The following TPRG1 variants were observed in gnomAD, a reference collection of about 807,000 sequenced individuals.
The protein encoded by TPRG1 is tumor protein p63-regulated gene 1 protein.
Under a neutral mutation model 29.3 loss-of-function variants are expected in TPRG1, and 29 were observed. That is an observed-to-expected ratio of 0.99 (90% confidence interval 0.74 to 1.35). The LOEUF is 1.35. TPRG1 is among the 40% of genes most tolerant of loss of function. TPRG1 has a pLI of 0.00. For missense variants in TPRG1, 327 were observed against 335.0 expected (o/e 0.98, Z 0.19); for synonymous variants, 130 against 116.8 (o/e 1.11, Z -0.73).
intron 2 of TPRG1, among the ~76,000 whole-genome samples, chr3:189,129,376 G>C (rs950094579): frequency 2.0e-5 from 3 of 152,154 alleles, no homozygotes; most frequent in African/African-American, 7.2e-5. Context: ...GTCCTTCTCA[G>C]GCTGTGATAC....
At chr3:189,022,509 C>A (rs1359097364) in intron 3 of TPRG1, among the ~76,000 whole-genome samples, 1 of 151,522 alleles carries the variant, frequency 6.6e-6, no homozygotes, top group Non-Finnish European at 1.5e-5. Flanking sequence ...TGTCAGTGTG[C>A]CCCTGCTGGG....
intron 4 of TPRG1, among the ~76,000 whole-genome samples, chr3:189,086,257 C>T (rs542897526): frequency 2.6e-5 from 4 of 152,258 alleles, no homozygotes; most frequent in African/African-American, 7.2e-5. Flanking sequence ...CTTCCGCATT[C>T]CTCTGCCTGC....
intron 3 of TPRG1, among the ~76,000 whole-genome samples, chr3:189,133,692 A>G (rs1723375530): frequency 6.6e-6 from 1 of 152,196 alleles, no homozygotes; most frequent in Non-Finnish European, 1.5e-5. Flanking sequence ...ACCCAGTCTC[A>G]GGCAGTATCT....
At chr3:189,212,566 GA>G (rs1735437128) in intron 2 of TPRG1, among the ~76,000 whole-genome samples, 1 of 110,202 alleles carries the variant, frequency 9.1e-6, no homozygotes, top group African/African-American at 3.7e-5. Context: ...TAAAAAAGAT[GA>G]TTTTTTTTTT....
At chr3:189,196,294 A>G (rs898180816) in intron 1 of TPRG1, among the ~76,000 whole-genome samples, 5 of 152,304 alleles carry the variant, frequency 3.3e-5, no homozygotes, top group Admixed American at 2.0e-4. Context: ...ACTTTCAGAA[A>G]AATAATCCTG....
intron 4 of TPRG1, among the ~76,000 whole-genome samples, chr3:189,309,694 T>A (rs1349006115): frequency 6.6e-6 from 1 of 152,188 alleles, no homozygotes; most frequent in Non-Finnish European, 1.5e-5. Flanking sequence ...TGCTCTGCAC[T>A]TAGGTTTACC....
rs1193472847 is a variant in TPRG1 at position 189,322,895 on chromosome 3, T to C, written c.*2075T>C. Reference sequence around the variant, plus strand: ...AAGCATTTAATGGAATCAAAGCTGTTTTGCATAAAGAGTGAACTCAGAGAC... The same window carrying C: ...AAGCATTTAATGGAATCAAAGCTGTCTTGCATAAAGAGTGAACTCAGAGAC... On this transcript the variant is annotated 3_prime_UTR_variant, in exon 6 of 6. Coordinates refer to ENST00000345063, the MANE Select transcript of TPRG1 (RefSeq NM_198485.4). 3 of 152,094 alleles carry C rather than the reference T, an allele frequency of 2.0e-5. No individual in the cohort carries two copies. The highest frequency in any genetic ancestry group is 4.4e-5 in the Non-Finnish European group (3 of 67,994). 9.4% of individuals were successfully genotyped at this position (152,094 alleles called of 1,614,324 possible).
At chr3:189,176,794 G>T (rs922182638) in intron 1 of TPRG1, among the ~76,000 whole-genome samples, 2 of 152,244 alleles carry the variant, frequency 1.3e-5, no homozygotes, top group African/African-American at 4.8e-5. Flanking sequence ...TGAGTGGAAA[G>T]ATCTTTGGAT....
intron 4 of TPRG1, among the ~76,000 whole-genome samples, chr3:189,266,441 C>A (rs149373829): frequency 4.0e-4 from 61 of 152,278 alleles, no homozygotes; most frequent in Admixed American, 5.9e-4. Context: ...ATCATTCACT[C>A]AACTCAAGGC....
At chr3:189,086,041 A>G (rs536931489) in intron 4 of TPRG1, among the ~76,000 whole-genome samples, 2 of 152,240 alleles carry the variant, frequency 1.3e-5, no homozygotes, top group African/African-American at 4.8e-5. Flanking sequence ...AGGAGCAACG[A>G]AGTCAGTCTG....
At chr3:189,319,524 C>T (rs1187140955) in intron 5 of TPRG1, among the ~76,000 whole-genome samples, 1 of 151,900 alleles carries the variant, frequency 6.6e-6, no homozygotes, top group East Asian at 1.9e-4. Context: ...TTGGCTTGAA[C>T]CCCCTGCCCC....
chr3:189,172,885 G>T (rs1032332612), intron 1 of TPRG1, among the ~76,000 whole-genome samples: 3 of 152,176 alleles, frequency 2.0e-5, no homozygotes, highest in Non-Finnish European at 4.4e-5. Context: ...CAGAGGCAGC[G>T]TAGTGAGGCA....
intron 4 of TPRG1, among the ~76,000 whole-genome samples, chr3:189,248,221 G>A (rs1741643054): frequency 6.6e-6 from 1 of 151,512 alleles, no homozygotes; most frequent in South Asian, 2.1e-4. Context: ...TTTATGATAA[G>A]TTTCAGTCAT....
At chr3:189,006,648 A>C (rs1216247381) in intron 3 of TPRG1, among the ~76,000 whole-genome samples, 1 of 152,138 alleles carries the variant, frequency 6.6e-6, no homozygotes, top group Non-Finnish European at 1.5e-5. Context: ...GGAAAGCTAC[A>C]TATGGATTGA....
At chr3:189,008,755 G>A (rs1712442013) in intron 3 of TPRG1, among the ~76,000 whole-genome samples, 1 of 152,104 alleles carries the variant, frequency 6.6e-6, no homozygotes, top group Admixed American at 6.5e-5. Context: ...ATGGACACTG[G>A]AAGGCATCAA....
intron 4 of TPRG1, among the ~76,000 whole-genome samples, chr3:189,051,708 T>G (rs1355103392): frequency 6.6e-6 from 1 of 152,172 alleles, no homozygotes. Flanking sequence ...TATAAGACCA[T>G]AGTCACCAAA....
At chr3:189,071,885 A>G (rs1716831754) in intron 4 of TPRG1, among the ~76,000 whole-genome samples, 1 of 152,232 alleles carries the variant, frequency 6.6e-6, no homozygotes, top group East Asian at 1.9e-4. Flanking sequence ...ATCAGCACCT[A>G]GATCTCTTTA....
chr3:189,297,770 G>A (rs912053756), intron 4 of TPRG1, among the ~76,000 whole-genome samples: 1 of 152,112 alleles, frequency 6.6e-6, no homozygotes, highest in African/African-American at 2.4e-5. Context: ...AGAGCATATC[G>A]TGCTGCCAAT....
At chr3:189,257,422 C>CT (rs1334221539) in intron 4 of TPRG1, among the ~76,000 whole-genome samples, 2 of 152,166 alleles carry the variant, frequency 1.3e-5, no homozygotes, top group Non-Finnish European at 2.9e-5. Flanking sequence ...ACCTTTCTCT[C>CT]TGTCTGCCCT....
Sources: allele counts gnomAD v4.1 joint callset (sites outside exome capture counted in the v4.1 genomes callset), GRCh38; gene constraint gnomAD v4.1.1; transcripts MANE v1.5; gene names NCBI Gene and HGNC (gene_info 2026-07-23, HGNC 2026-07-21).